Variants in THADA observed in about 807,000 individuals in gnomAD.
THADA encodes the protein tRNA (32-2'-O)-methyltransferase regulator THADA.
Under a neutral mutation model 219.8 loss-of-function variants are expected in THADA, and 213 were observed. That is an observed-to-expected ratio of 0.97 (90% CI 0.87 to 1.09). The LOEUF (loss-of-function observed/expected upper bound fraction) is 1.09. Ranked by LOEUF, THADA falls within the 50% of genes least tolerant of loss-of-function variation. THADA has a pLI of 0.00. For missense variants in THADA, 2,956 were observed against 2,311.3 expected (o/e 1.28, Z -5.72); for synonymous variants, 1,018 against 828.9 (o/e 1.23, Z -3.92).
At chr2:43,550,915 G>A (rs1488501004) in intron 19 of THADA, among the ~76,000 whole-genome samples, 1 of 152,112 alleles carries the variant, frequency 6.6e-6, no homozygotes, top group African/African-American at 2.4e-5. Flanking sequence ...TGCTTGACAA[G>A]AGCAGCCTGC....
At chr2:43,343,751 A>C in intron 30 of THADA, 1 of 154,710 alleles carries the variant, frequency 6.5e-6, no homozygotes, top group Non-Finnish European at 1.4e-5. Flanking sequence ...GCCTACAGCA[A>C]TCTCTAATCT....
chr2:43,392,745 G>A (rs576811618), intron 29 of THADA, among the ~76,000 whole-genome samples: 1 of 152,086 alleles, frequency 6.6e-6, no homozygotes, highest in African/African-American at 2.4e-5. Flanking sequence ...TGCCCTGTCT[G>A]GCATTGTATC....
intron 28 of THADA, among the ~76,000 whole-genome samples, chr2:43,415,641 G>C (rs560247015): frequency 6.6e-6 from 1 of 152,214 alleles, no homozygotes; most frequent in South Asian, 2.1e-4. Flanking sequence ...ACAAAATCTA[G>C]AGCCTGGGGC....
chr2:43,286,395 C>T (rs1479306384), intron 35 of THADA, among the ~76,000 whole-genome samples: 1 of 152,044 alleles, frequency 6.6e-6, no homozygotes, highest in Non-Finnish European at 1.5e-5. Context: ...TAAAGAGGCT[C>T]TTTGTAGAAA....
chr2:43,467,156 T>C (rs1175572195), intron 26 of THADA, among the ~76,000 whole-genome samples: 1 of 105,406 alleles, frequency 9.5e-6, no homozygotes, highest in Non-Finnish European at 1.7e-5. Flanking sequence ...CACTCCAGCC[T>C]GGGCGACAGA....
At chr2:43,411,496 A>G (rs918872294) in intron 28 of THADA, among the ~76,000 whole-genome samples, 1 of 151,978 alleles carries the variant, frequency 6.6e-6, no homozygotes, top group African/African-American at 2.4e-5. Context: ...CCTCCCCCCA[A>G]CTTGATTAGA....
chr2:43,488,587 C>T (rs557877164), intron 25 of THADA, among the ~76,000 whole-genome samples: 31 of 152,160 alleles, frequency 2.0e-4, no homozygotes, highest in South Asian at 1.0e-3. Flanking sequence ...CTTCATTTGA[C>T]GGACATTTGG....
intron 22 of THADA, among the ~76,000 whole-genome samples, chr2:43,514,719 T>A (rs1487454922): frequency 2.3e-5 from 2 of 86,662 alleles, no homozygotes; most frequent in Non-Finnish European, 3.9e-5. Flanking sequence ...TATAAATATA[T>A]ATTATATATA....
intron 17 of THADA, among the ~76,000 whole-genome samples, chr2:43,554,599 C>T (rs1172090839): frequency 6.6e-6 from 1 of 151,974 alleles, no homozygotes; most frequent in Non-Finnish European, 1.5e-5. Context: ...TAAGATGAAA[C>T]CACAATGAGA....
Position 43,274,386 on chromosome 2 carries a change from C to T in THADA, c.5296+5379G>A, listed in dbSNP as rs545327981. 1.4e-4 allele frequency among the ~76,000 whole-genome samples: 21 copies of T among 152,290 alleles called. No individual in the cohort carries two copies. In the East Asian group the frequency reaches 2.5e-3, roughly 18 times the overall value. On this transcript the variant is annotated intron_variant, in intron 36 of 37. Coordinates refer to ENST00000405975, the MANE Select transcript of THADA (RefSeq NM_022065.5). ...GTTCTGAAGCTTTCTTATTTCAAAG[C>T]GTACTCTCATGTTTCTTTTGCCACC... is the stretch of plus-strand genomic sequence containing the variant.
chr2:43,275,553 G>C (rs770439877), intron 36 of THADA, among the ~76,000 whole-genome samples: 1 of 152,162 alleles, frequency 6.6e-6, no homozygotes, highest in East Asian at 1.9e-4. Context: ...GGGACCTCCT[G>C]ATCTAGCCAT....
chr2:43,496,538 A>G (rs1277454573), intron 25 of THADA, among the ~76,000 whole-genome samples: 5 of 152,160 alleles, frequency 3.3e-5, no homozygotes, highest in African/African-American at 1.2e-4. Context: ...CAGCATCCAA[A>G]ATACAGACAC....
intron 28 of THADA, among the ~76,000 whole-genome samples, chr2:43,407,051 G>A (rs1324443607): frequency 6.6e-6 from 1 of 152,188 alleles, no homozygotes; most frequent in Non-Finnish European, 1.5e-5. Flanking sequence ...CCCTCAGCAT[G>A]TCGCCTTTCC....
intron 17 of THADA, among the ~76,000 whole-genome samples, chr2:43,552,895 T>C (rs1374541094): frequency 6.6e-6 from 1 of 152,160 alleles, no homozygotes; most frequent in African/African-American, 2.4e-5. Flanking sequence ...GATCACATAT[T>C]GTATGATTCC....
intron 30 of THADA, 99 bp downstream of exon 30, chr2:43,344,023 T>C: frequency 1.2e-6 from 1 of 816,020 alleles, no homozygotes; most frequent in South Asian, 1.6e-5. Context: ...AGAAAACTCA[T>C]GCCAATGACT....
intron 16 of THADA, among the ~76,000 whole-genome samples, chr2:43,559,082 G>C (rs1462374146): frequency 6.6e-6 from 1 of 152,076 alleles, no homozygotes; most frequent in Non-Finnish European, 1.5e-5. Context: ...CCAAGAATGG[G>C]GCATCGCTAT....
At chr2:43,545,464 T>C (rs1326028542) in intron 20 of THADA, among the ~76,000 whole-genome samples, 2 of 151,986 alleles carry the variant, frequency 1.3e-5, no homozygotes. Context: ...AGTTCCTCCT[T>C]GTACCTCTGG....
chr2:43,449,713 G>A (rs1682072449), intron 26 of THADA, among the ~76,000 whole-genome samples: 1 of 152,136 alleles, frequency 6.6e-6, no homozygotes, highest in African/African-American at 2.4e-5. Context: ...AAGCTGCAGT[G>A]GGCTGTGATT....
chr2:43,457,558 A>AT (rs1683165136), intron 26 of THADA, among the ~76,000 whole-genome samples: 2 of 152,316 alleles, frequency 1.3e-5, no homozygotes, highest in Admixed American at 6.5e-5. Context: ...AAAACAATGA[A>AT]TTGAAGGAAC....
Sources: allele counts gnomAD v4.1 joint callset (sites outside exome capture counted in the v4.1 genomes callset), GRCh38; gene constraint gnomAD v4.1.1; transcripts MANE v1.5; gene names NCBI Gene and HGNC (gene_info 2026-07-23, HGNC 2026-07-21).